Variants in HFM1 observed in about 807,000 individuals in gnomAD.
HFM1 encodes helicase for meiosis 1, also known as probable ATP-dependent DNA helicase HFM1.
HFM1 carries 169 observed loss-of-function variants against 192.1 expected under a neutral mutation model. The ratio of observed to expected loss-of-function variants is 0.88; its 90% CI spans 0.78 to 1.00. The LOEUF (loss-of-function observed/expected upper bound fraction) is 1.00, where lower values mean the gene tolerates loss of function less well. Among genes scored for constraint, HFM1 ranks in the 50% least tolerant of loss-of-function variants. The pLI, the probability that HFM1 is intolerant of heterozygous loss-of-function variation, is 0.00. For synonymous variants in HFM1, 525 were observed against 537.8 expected (o/e 0.98, Z 0.33); for missense variants, 1,661 against 1,668.0 (o/e 1.00, Z 0.07).
At chr1:91,323,592 T>A (rs1433832032) in intron 21 of HFM1, among the ~76,000 whole-genome samples, 1 of 152,204 alleles carries the variant, frequency 6.6e-6, no homozygotes, top group Non-Finnish European at 1.5e-5. Flanking sequence ...AGTTTGCAAA[T>A]CATTATCTCA....
Position 91,385,692 on chromosome 1 carries a change from AT to A in HFM1, c.636del (p.Lys212AsnfsTer42), listed in dbSNP as rs1662112476. ...KSRNYSNSKQ[K>X]FQYSANVFTA... ...GTAAACACATTTGCAGAATACTGAA[AT>A]TTTTGCTTACTATTGCTATAGTTCC... is the stretch of plus-strand genomic sequence containing the variant. On this transcript the variant is annotated frameshift_variant, in exon 5 of 39. Coordinates refer to ENST00000370425, the MANE Select transcript of HFM1 (RefSeq NM_001017975.6). LOFTEE classifies it high-confidence loss of function. 6.2e-7 allele frequency: 1 copy of A among 1,612,348 alleles called. No individual in the cohort carries two copies. Among genetic ancestry groups the A allele is most frequent in the Non-Finnish European group, 8.5e-7 (1 of 1,178,522 alleles).
intron 13 of HFM1, among the ~76,000 whole-genome samples, chr1:91,358,320 C>A (rs1388236385): frequency 6.6e-6 from 1 of 151,932 alleles, no homozygotes; most frequent in Non-Finnish European, 1.5e-5. Context: ...TAGTATGGAA[C>A]CACAATAAAC....
chr1:91,345,567 T>C (rs1351778799), intron 19 of HFM1, among the ~76,000 whole-genome samples: 1 of 152,140 alleles, frequency 6.6e-6, no homozygotes, highest in Admixed American at 6.5e-5. Context: ...TCCTGACAGA[T>C]TTAAGGCAGA....
intron 30 of HFM1, among the ~76,000 whole-genome samples, chr1:91,291,787 G>A (rs1361102080): frequency 3.3e-5 from 5 of 151,876 alleles, no homozygotes; most frequent in Admixed American, 1.3e-4. Context: ...GATGAACATT[G>A]ATGCAAAAAT....
intron 1 of HFM1, among the ~76,000 whole-genome samples, chr1:91,402,149 A>C (rs1214323568): frequency 6.6e-6 from 1 of 152,192 alleles, no homozygotes; most frequent in African/African-American, 2.4e-5. Context: ...AAATTCTATT[A>C]ATGCCATCTA....
In HFM1 at chr1:91,338,362, C is replaced by A. The variant is rs553577558; in HGVS notation, c.2335+5068G>T. ...ACTGTTGGACCTAGACAGAGCAGGG[C>A]AGTCTTGTCCATGTGATGGGGCCAG... On this transcript the variant is annotated intron_variant, in intron 20 of 38. Transcript: ENST00000370425. Among the ~76,000 whole-genome samples the A allele has an allele frequency of 3.3e-5, 5 of 152,278 alleles. No individual in the cohort carries two copies. The East Asian group carries it at 9.7e-4, about 29-fold the overall frequency.
At chr1:91,289,422 C>T (rs367807591) in intron 30 of HFM1, among the ~76,000 whole-genome samples, 65 of 152,198 alleles carry the variant, frequency 4.3e-4, no homozygotes, top group Admixed American at 8.5e-4. Context: ...AGACGATGGG[C>T]GGCCAGGCAG....
chr1:91,283,633 CAT>C (rs1419090699), intron 30 of HFM1, among the ~76,000 whole-genome samples: 4 of 152,082 alleles, frequency 2.6e-5, no homozygotes, highest in African/African-American at 7.2e-5. Flanking sequence ...CAAATATTTT[CAT>C]AGTTTTGCCA....
At chr1:91,331,597 T>C (rs536926254) in intron 20 of HFM1, among the ~76,000 whole-genome samples, 49 of 152,304 alleles carry the variant, frequency 3.2e-4, no homozygotes, top group African/African-American at 1.0e-3. Flanking sequence ...TCTTTGTAAT[T>C]AAAACTATAA....
At chr1:91,385,277 A>C in intron 5 of HFM1, 43 bp from the exon 6 acceptor site, 1 of 1,171,258 alleles carries the variant, frequency 8.5e-7, no homozygotes, top group Non-Finnish European at 1.3e-6. Flanking sequence ...ATCAAAAAAA[A>C]ATTAATGGTC....
intron 34 of HFM1, among the ~76,000 whole-genome samples, chr1:91,269,857 G>A (rs1474527879): frequency 6.6e-6 from 1 of 152,128 alleles, no homozygotes; most frequent in African/African-American, 2.4e-5. Context: ...AGCAATATGA[G>A]AGAACAGAGA....
chr1:91,319,192 C>T lies in HFM1; in HGVS notation c.2698G>A (p.Ala900Thr). 1 of 1,606,794 alleles carries T rather than the reference C, an allele frequency of 6.2e-7. No homozygotes were observed. The highest frequency in any genetic ancestry group is 1.7e-5 in the Admixed American group (1 of 58,392). ...ACAGCAAACTTCTTTTCTTGAGCAGCTACAAAATCTGACAACCCTAAAAAA... is the reference window on the plus strand; with the variant it reads ...ACAGCAAACTTCTTTTCTTGAGCAGTTACAAAATCTGACAACCCTAAAAAA... ...RITRWLSDFV[A>T]AQEKKFAVLL... The change falls in exon 25 of 39, where the codon GCT becomes ACT. Residue 900 changes from alanine (A) to threonine (T), a missense_variant. By Grantham distance (58) the Ala-to-Thr change is moderately conservative. Transcript: ENST00000370425.
chr1:91,308,192 TTCTC>T (rs1212605971), intron 30 of HFM1, among the ~76,000 whole-genome samples: 1 of 152,172 alleles, frequency 6.6e-6, no homozygotes, highest in Non-Finnish European at 1.5e-5. Flanking sequence ...TTTTGTCCCA[TTCTC>T]TCTCTACTCT....
upstream of HFM1, among the ~76,000 whole-genome samples, chr1:91,406,814 A>T (rs1193554064): frequency 1.3e-5 from 2 of 152,316 alleles, no homozygotes; most frequent in Middle Eastern, 3.4e-3. Flanking sequence ...TCTGGAAATG[A>T]TCCTAAGGGC....
chr1:91,404,068 C>G (rs988592107), intron 1 of HFM1, among the ~76,000 whole-genome samples: 1 of 152,066 alleles, frequency 6.6e-6, no homozygotes, highest in African/African-American at 2.4e-5. Flanking sequence ...CGGGAATAAC[C>G]GACCGTCACA....
intron 3 of HFM1, among the ~76,000 whole-genome samples, chr1:91,395,138 T>C (rs1259536697): frequency 6.6e-6 from 1 of 152,104 alleles, no homozygotes; most frequent in Non-Finnish European, 1.5e-5. Context: ...GTCACATACA[T>C]TGTTTGAGTG....
At chr1:91,292,875 A>G (rs1423469679) in intron 30 of HFM1, among the ~76,000 whole-genome samples, 2 of 152,168 alleles carry the variant, frequency 1.3e-5, no homozygotes, top group African/African-American at 4.8e-5. Flanking sequence ...ATGGAACAGA[A>G]TAGAGCCCTC....
chr1:91,341,372 C>T lies in HFM1; in HGVS notation c.2335+2058G>A, dbSNP rs528901017. 2.0e-5 allele frequency among the ~76,000 whole-genome samples: 3 copies of T among 152,256 alleles called. No individual in the cohort carries two copies. In the South Asian group the frequency reaches 6.2e-4, roughly 32 times the overall value. ...TGAACTTAAGGCAGAAATCAAGATA[C>T]TCTTTGTAACTGATGAAAACAAAGG... On this transcript the variant is annotated intron_variant, in intron 20 of 38. Coordinates refer to ENST00000370425, the MANE Select transcript of HFM1 (RefSeq NM_001017975.6).
At chr1:91,334,766 T>A (rs1487202623) in intron 20 of HFM1, among the ~76,000 whole-genome samples, 2 of 151,870 alleles carry the variant, frequency 1.3e-5, no homozygotes, top group African/African-American at 4.8e-5. Context: ...CTGTCTCTAC[T>A]AAAAATACAA....
Sources: allele counts gnomAD v4.1 joint callset (sites outside exome capture counted in the v4.1 genomes callset), GRCh38; gene constraint gnomAD v4.1.1; transcripts MANE v1.5; gene names NCBI Gene and HGNC (gene_info 2026-07-23, HGNC 2026-07-21).